Variants in NBAS observed in about 807,000 individuals in gnomAD.
The protein encoded by NBAS is NBAS subunit of NRZ tethering complex.
NBAS carries 219 observed loss-of-function variants against 302.5 expected under a neutral mutation model. That is an observed-to-expected ratio of 0.72 (90% confidence interval 0.65 to 0.81). NBAS has a LOEUF of 0.81. Among genes scored for constraint, NBAS ranks in the 30% least tolerant of loss-of-function variants. NBAS has a pLI of 0.00. For synonymous variants in NBAS, 1,118 were observed against 1,021.6 expected (o/e 1.09, Z -1.80); for missense variants, 2,932 against 2,841.6 (o/e 1.03, Z -0.72).
intron 21 of NBAS, among the ~76,000 whole-genome samples, chr2:15,456,972 G>A (rs1679275668): frequency 6.6e-6 from 1 of 152,194 alleles, no homozygotes; most frequent in African/African-American, 2.4e-5. Context: ...GATCAGGGAA[G>A]ACCTTTATGA....
the NBAS span, among the ~76,000 whole-genome samples, chr2:15,096,132 C>G: frequency 1.3e-5 from 2 of 152,242 alleles, no homozygotes; most frequent in Admixed American, 6.5e-5. Context: ...TTCCTGGAAG[C>G]CTTTGTTTAA....
At chr2:15,100,575 A>T in the NBAS span, among the ~76,000 whole-genome samples, 3 of 152,218 alleles carry the variant, frequency 2.0e-5, no homozygotes, top group African/African-American at 7.2e-5. Context: ...TTAGTTGTTG[A>T]ACTTGAAGGT....
chr2:15,176,791 G>GTA (rs1171548659), intron 51 of NBAS, among the ~76,000 whole-genome samples: 1 of 152,186 alleles, frequency 6.6e-6, no homozygotes, highest in African/African-American at 2.4e-5. Context: ...TGTTCAACCT[G>GTA]TATACTCTAG....
chr2:14,938,861 A>G, the NBAS span, among the ~76,000 whole-genome samples: 246 of 152,346 alleles, frequency 1.6e-3, no homozygotes, highest in African/African-American at 5.7e-3. Context: ...TGAGAATAAG[A>G]AACTGTAGTT....
chr2:14,940,949 T>A, the NBAS span, among the ~76,000 whole-genome samples: 3 of 152,218 alleles, frequency 2.0e-5, no homozygotes, highest in African/African-American at 4.8e-5. Context: ...TATCTTACTG[T>A]CTAGGGCCCC....
the NBAS span, among the ~76,000 whole-genome samples, chr2:15,059,957 A>AC: frequency 2.1e-5 from 2 of 95,252 alleles, no homozygotes; most frequent in Admixed American, 9.3e-5. Context: ...TAAAAAAAAA[A>AC]AAAAAACAAA....
chr2:15,141,971 T>A, the NBAS span, among the ~76,000 whole-genome samples: 1 of 152,218 alleles, frequency 6.6e-6, no homozygotes, highest in African/African-American at 2.4e-5. Context: ...GACTCTGAAG[T>A]CATAAACATA....
chr2:15,227,412 C>T (rs1667191782), intron 47 of NBAS, among the ~76,000 whole-genome samples: 1 of 151,938 alleles, frequency 6.6e-6, no homozygotes, highest in Non-Finnish European at 1.5e-5. Flanking sequence ...ACTGTTAAAA[C>T]ATCCATAATA....
chr2:15,162,419 G>A (rs1011869489), downstream of NBAS, among the ~76,000 whole-genome samples: 2 of 152,168 alleles, frequency 1.3e-5, no homozygotes, highest in African/African-American at 4.8e-5. Context: ...TTCGTCTTGC[G>A]CCTGGAGGCA....
At chr2:15,124,499 A>C in the NBAS span, among the ~76,000 whole-genome samples, 1 of 152,248 alleles carries the variant, frequency 6.6e-6, no homozygotes, top group African/African-American at 2.4e-5. Context: ...AGCATGACTC[A>C]AAGGGAGCCA....
At chr2:14,848,441 C>T in the NBAS span, among the ~76,000 whole-genome samples, 3 of 142,720 alleles carry the variant, frequency 2.1e-5, no homozygotes, top group African/African-American at 3.0e-5. Flanking sequence ...CACGGAATCT[C>T]GCTGATTGCT....
intron 40 of NBAS, among the ~76,000 whole-genome samples, chr2:15,299,904 T>G (rs748006686): frequency 6.6e-6 from 1 of 152,220 alleles, no homozygotes; most frequent in Non-Finnish European, 1.5e-5. Context: ...TTTCAACACT[T>G]GAGTTTTGGG....
At chr2:15,456,396 T>C (rs1679248636) in intron 21 of NBAS, among the ~76,000 whole-genome samples, 1 of 152,222 alleles carries the variant, frequency 6.6e-6, no homozygotes, top group African/African-American at 2.4e-5. Flanking sequence ...TAATATAGCT[T>C]GAACTCTAAA....
rs569421872 is a variant in NBAS, at chr2:15,497,149, G to C, written c.954+6996C>G. Reference sequence around the variant, plus strand: ...GCCAGTGGCATGAGATCAGTCTGCAGAGACAGTCATGGGCCAGCTTATGTA... The same window carrying C: ...GCCAGTGGCATGAGATCAGTCTGCACAGACAGTCATGGGCCAGCTTATGTA... On this transcript the variant is annotated intron_variant, in intron 11 of 51. Transcript: ENST00000281513. Among the ~76,000 whole-genome samples, 57 of 152,304 alleles carry C rather than the reference G, an allele frequency of 3.7e-4. No individual in the cohort carries two copies. The South Asian group carries it at 0.011, about 30-fold the overall frequency.
the NBAS span, among the ~76,000 whole-genome samples, chr2:15,001,024 G>A: frequency 2.0e-5 from 3 of 152,128 alleles, no homozygotes; most frequent in Non-Finnish European, 4.4e-5. Flanking sequence ...AGGACAGCAC[G>A]GCACCCCTCC....
In NBAS at chr2:15,551,541, A is replaced by G; in HGVS notation, c.336-5T>C. 1 of 1,607,168 alleles carries G rather than the reference A, an allele frequency of 6.2e-7. No homozygotes were observed. Among genetic ancestry groups the G allele is most frequent in the South Asian group, 1.1e-5 (1 of 90,052 alleles). On this transcript the variant is annotated splice_polypyrimidine_tract_variant and splice_region_variant and intron_variant, in intron 5 of 51. Transcript: ENST00000281513. ...GTAAAATCATCTTTTGCAGACCTGT[A>G]AAACATGCAAAATCAAGGCAAAAGT...
chr2:15,151,026 C>T, the NBAS span, among the ~76,000 whole-genome samples: 1 of 152,300 alleles, frequency 6.6e-6, no homozygotes, highest in African/African-American at 2.4e-5. Context: ...ACCCTAATTC[C>T]GTACTTGTCA....
At chr2:15,108,209 T>G in the NBAS span, among the ~76,000 whole-genome samples, 1 of 152,160 alleles carries the variant, frequency 6.6e-6, no homozygotes, top group Non-Finnish European at 1.5e-5. Context: ...AATTGTGAGA[T>G]CATATGGTAT....
At chr2:15,186,152 ATGTG>A (rs1481296272) in intron 50 of NBAS, among the ~76,000 whole-genome samples, 173 of 150,648 alleles carry the variant, frequency 1.1e-3, no homozygotes, top group African/African-American at 3.9e-3. Flanking sequence ...ACACTTATGT[ATGTG>A]TGTCTGTGTG....
Sources: allele counts gnomAD v4.1 joint callset (sites outside exome capture counted in the v4.1 genomes callset), GRCh38; gene constraint gnomAD v4.1.1; transcripts MANE v1.5; gene names NCBI Gene and HGNC (gene_info 2026-07-23, HGNC 2026-07-21).